HOMER1: variants seen among roughly 807,000 people sequenced by gnomAD.
HOMER1 encodes the protein homer protein homolog 1.
In HOMER1, 3 loss-of-function variants were observed where a neutral mutation model predicts 48.9. That is an observed-to-expected ratio of 0.06 (90% CI 0.03 to 0.16). HOMER1 has a LOEUF of 0.16. Among genes scored for constraint, HOMER1 ranks in the 10% least tolerant of loss-of-function variants. HOMER1 has a pLI of 1.00. For missense variants in HOMER1, 247 were observed against 411.4 expected (o/e 0.60, Z 3.46); for synonymous variants, 134 against 146.4 (o/e 0.92, Z 0.61).
intron 8 of HOMER1, among the ~76,000 whole-genome samples, chr5:79,387,085 CTCTCTCT>C (rs201776790): frequency 0.02 from 2,971 of 145,370 alleles, 106 homozygotes; most frequent in African/African-American, 0.07. Context: ...ATCTCTCTCT[CTCTCTCT>C]CTCTCTCTTT....
Position 79,512,963 on chromosome 5 carries a change from T to C in HOMER1, c.-189A>G. The C allele has an allele frequency of 1.7e-6, 1 of 598,414 alleles. No individual in the cohort carries two copies. Among genetic ancestry groups the C allele is most frequent in the Non-Finnish European group, 3.0e-6 (1 of 336,904 alleles). The allele number at this position is 598,414 out of a possible 1,614,324, so 37.1% of individuals were successfully genotyped here. A position where few individuals can be genotyped will look rare whatever the true frequency, so the allele number is the denominator to read the frequency against. On this transcript the variant is annotated 5_prime_UTR_variant, in exon 1 of 9. Coordinates refer to ENST00000334082, the MANE Select transcript of HOMER1 (RefSeq NM_004272.5). ...GGTAAAATGATTTCTCTCTTGTAAA[T>C]ACCAAAACGTTCAAACAGAGGCGGC...
At position 79,468,416 on chromosome 5, in the gene HOMER1, A is replaced by C. The variant is rs145473431; in HGVS notation, c.6-11398T>G. On this transcript the variant is annotated intron_variant, in intron 1 of 8. Coordinates refer to ENST00000334082, the MANE Select transcript of HOMER1 (RefSeq NM_004272.5). ...TCAAAGACTTAGTATTTTTTTAAAA[A>C]ATGTAATGTATCTCCATGACTTTTA... Among the ~76,000 whole-genome samples the C allele has an allele frequency of 9.8e-3, 1,499 of 152,330 alleles. 12 individuals carry two copies. The highest frequency in any genetic ancestry group is 0.017 in the Non-Finnish European group (1,158 of 68,022).
intron 5 of HOMER1, among the ~76,000 whole-genome samples, chr5:79,430,294 A>G (rs1165063221): frequency 1.3e-5 from 2 of 152,212 alleles, no homozygotes; most frequent in Non-Finnish European, 2.9e-5. Context: ...TTAGCCATCA[A>G]TGAAATACAA....
chr5:79,486,614 T>C (rs1752109476), intron 1 of HOMER1, among the ~76,000 whole-genome samples: 1 of 152,208 alleles, frequency 6.6e-6, no homozygotes, highest in Admixed American at 6.5e-5. Flanking sequence ...TATGAAAAAA[T>C]GGAGGGACAG....
At chr5:79,510,641 A>T in intron 1 of HOMER1, 1 of 912,490 alleles carries the variant, frequency 1.1e-6, no homozygotes, top group Non-Finnish European at 1.8e-6. Context: ...TGCACATGCC[A>T]AGGCTATCAA....
chr5:79,488,333 A>G (rs1399995990), intron 1 of HOMER1, among the ~76,000 whole-genome samples: 3 of 152,256 alleles, frequency 2.0e-5, no homozygotes, highest in African/African-American at 7.2e-5. Flanking sequence ...CAGGAGATTA[A>G]TGCAGTACCA....
chr5:79,448,125 AC>A (rs938949895), intron 3 of HOMER1, among the ~76,000 whole-genome samples: 23 of 152,148 alleles, frequency 1.5e-4, no homozygotes, highest in Non-Finnish European at 3.2e-4. Flanking sequence ...TTTCCTTCTT[AC>A]CTTAAACCTT....
chr5:79,396,964 T>C, intron 7 of HOMER1, 61 bp from the exon 8 acceptor site: 1 of 881,548 alleles, frequency 1.1e-6, no homozygotes, highest in Non-Finnish European at 1.8e-6. Context: ...GAAGGTCTTG[T>C]TTTTCCCTGA....
chr5:79,395,008 T>C (rs528288468), intron 8 of HOMER1, among the ~76,000 whole-genome samples: 2 of 152,312 alleles, frequency 1.3e-5, no homozygotes, highest in African/African-American at 4.8e-5. Flanking sequence ...ATGACTTGAC[T>C]GTTTGTTGCT....
intron 5 of HOMER1, among the ~76,000 whole-genome samples, chr5:79,430,602 A>C (rs1048887260): frequency 6.6e-6 from 1 of 152,250 alleles, no homozygotes; most frequent in African/African-American, 2.4e-5. Context: ...GAACTTTCAA[A>C]AAGTGGAAGC....
At chr5:79,391,420 G>A (rs938718895) in intron 8 of HOMER1, among the ~76,000 whole-genome samples, 6 of 151,024 alleles carry the variant, frequency 4.0e-5, no homozygotes, top group Non-Finnish European at 7.4e-5. Context: ...GTGAACCACC[G>A]CGCCTGGCCA....
At chr5:79,509,649 GT>G (rs1404648836) in intron 1 of HOMER1, among the ~76,000 whole-genome samples, 92 of 152,282 alleles carry the variant, frequency 6.0e-4, no homozygotes, top group Non-Finnish European at 9.4e-4. Flanking sequence ...GCAATTAACA[GT>G]TCATGCAACA....
chr5:79,470,242 C>T (rs1318166772), intron 1 of HOMER1, among the ~76,000 whole-genome samples: 1 of 152,154 alleles, frequency 6.6e-6, no homozygotes, highest in Non-Finnish European at 1.5e-5. Flanking sequence ...CATGATCAAT[C>T]TACTGGTCAA....
At chr5:79,387,546 C>G (rs924536516) in intron 8 of HOMER1, among the ~76,000 whole-genome samples, 3 of 152,068 alleles carry the variant, frequency 2.0e-5, no homozygotes, top group African/African-American at 7.2e-5. Flanking sequence ...AGACTGTTAC[C>G]TTCTATATAA....
intron 3 of HOMER1, among the ~76,000 whole-genome samples, chr5:79,450,009 T>A (rs1330096548): frequency 5.9e-5 from 9 of 152,018 alleles, no homozygotes; most frequent in African/African-American, 1.9e-4. Flanking sequence ...GAATACAGAA[T>A]AATTTCTGTA....
At chr5:79,486,119 C>T (rs1157532564) in intron 1 of HOMER1, among the ~76,000 whole-genome samples, 1 of 152,186 alleles carries the variant, frequency 6.6e-6, no homozygotes. Flanking sequence ...CCCTAGTTGA[C>T]TTCCTGGCCA....
chr5:79,461,958 G>T (rs930102497), intron 1 of HOMER1, among the ~76,000 whole-genome samples: 2 of 152,080 alleles, frequency 1.3e-5, no homozygotes, highest in African/African-American at 2.4e-5. Flanking sequence ...CAGCACTTTG[G>T]GAGGCCCAGG....
At chr5:79,507,157 G>A (rs1386676132) in intron 1 of HOMER1, among the ~76,000 whole-genome samples, 5 of 134,458 alleles carry the variant, frequency 3.7e-5, no homozygotes, top group Non-Finnish European at 1.5e-5. Flanking sequence ...AGGTTGCAGT[G>A]AGCCAAGATC....
At chr5:79,494,225 C>T (rs977473913) in intron 1 of HOMER1, among the ~76,000 whole-genome samples, 1 of 152,204 alleles carries the variant, frequency 6.6e-6, no homozygotes, top group African/African-American at 2.4e-5. Flanking sequence ...AAAAATTACA[C>T]ATTCTGATTC....
Sources: allele counts gnomAD v4.1 joint callset (sites outside exome capture counted in the v4.1 genomes callset), GRCh38; gene constraint gnomAD v4.1.1; transcripts MANE v1.5; gene names NCBI Gene and HGNC (gene_info 2026-07-23, HGNC 2026-07-21).